The following DLGAP1 variants were observed in gnomAD, a reference collection of about 807,000 sequenced individuals.
The protein encoded by DLGAP1 is disks large-associated protein 1.
DLGAP1 carries 11 observed loss-of-function variants against 90.8 expected under a neutral mutation model. That is an observed-to-expected ratio of 0.12 (90% CI 0.08 to 0.20). The LOEUF is 0.20. DLGAP1 is among the 10% of genes least tolerant of loss of function. The pLI is 1.00. For synonymous variants in DLGAP1, 558 were observed against 540.7 expected, an observed-to-expected ratio of 1.03 and a Z score of -0.44; for missense variants, 1,050 against 1,333.8, an observed-to-expected ratio of 0.79 and a Z score of 3.31.
At chr18:4,048,611 G>T (rs899691821) in intron 2 of DLGAP1, among the ~76,000 whole-genome samples, 1 of 152,202 alleles carries the variant, frequency 6.6e-6, no homozygotes, top group Non-Finnish European at 1.5e-5. Context: ...TAGACTGAGA[G>T]AATCTGAAAA....
intron 1 of DLGAP1, among the ~76,000 whole-genome samples, chr18:4,301,575 G>T (rs1202625690): frequency 6.6e-6 from 1 of 152,128 alleles, no homozygotes; most frequent in African/African-American, 2.4e-5. Flanking sequence ...TCCATAACTT[G>T]GCTGTTGTGA....
chr18:4,168,617 C>T (rs1205475803), intron 1 of DLGAP1, among the ~76,000 whole-genome samples: 1 of 152,158 alleles, frequency 6.6e-6, no homozygotes, highest in African/African-American at 2.4e-5. Context: ...AATTTGTCTA[C>T]TCTAGGGACC....
chr18:3,855,355 A>C (rs2069576213), intron 4 of DLGAP1, among the ~76,000 whole-genome samples: 1 of 152,134 alleles, frequency 6.6e-6, no homozygotes, highest in Admixed American at 6.5e-5. Context: ...TGAGTGACAA[A>C]ATAATCTGTA....
chr18:4,311,918 G>A (rs938597029), intron 1 of DLGAP1, among the ~76,000 whole-genome samples: 2 of 152,180 alleles, frequency 1.3e-5, no homozygotes, highest in Admixed American at 6.5e-5. Context: ...GTTTCACCCT[G>A]TTGGCCAGGC....
chr18:4,391,643 C>A (rs1002398654), intron 1 of DLGAP1, among the ~76,000 whole-genome samples: 3 of 152,230 alleles, frequency 2.0e-5, no homozygotes, highest in African/African-American at 4.8e-5. Context: ...ATTTAAATAA[C>A]CTGGTCCTTC....
chr18:3,708,813 G>A (rs551484146), intron 7 of DLGAP1, among the ~76,000 whole-genome samples: 1 of 152,294 alleles, frequency 6.6e-6, no homozygotes, highest in African/African-American at 2.4e-5. Flanking sequence ...TCCTCATTGT[G>A]ACTCAGATAT....
At chr18:4,031,131 T>C (rs1019830964) in intron 2 of DLGAP1, among the ~76,000 whole-genome samples, 1 of 152,132 alleles carries the variant, frequency 6.6e-6, no homozygotes, top group Non-Finnish European at 1.5e-5. Context: ...ATCATTGGTC[T>C]GAATGACAAA....
intron 2 of DLGAP1, among the ~76,000 whole-genome samples, chr18:4,059,232 G>T (rs2075265619): frequency 1.3e-5 from 2 of 152,144 alleles, no homozygotes; most frequent in African/African-American, 4.8e-5. Flanking sequence ...GCCCTGTTCA[G>T]GATAGGGAAA....
intron 1 of DLGAP1, among the ~76,000 whole-genome samples, chr18:4,283,980 T>C (rs2079619011): frequency 6.6e-6 from 1 of 151,962 alleles, no homozygotes; most frequent in Non-Finnish European, 1.5e-5. Flanking sequence ...GATGATTCTT[T>C]CCCCAAAGGA....
At chr18:3,575,797 G>A (rs1411580267) in intron 8 of DLGAP1, among the ~76,000 whole-genome samples, 2 of 152,032 alleles carry the variant, frequency 1.3e-5, no homozygotes, top group Non-Finnish European at 2.9e-5. Context: ...ATCACCCCCA[G>A]CACTAGGGTA....
chr18:3,646,428 A>G (rs1599706020), intron 7 of DLGAP1, among the ~76,000 whole-genome samples: 1 of 151,952 alleles, frequency 6.6e-6, no homozygotes, highest in Admixed American at 6.6e-5. Flanking sequence ...AACAAATAAA[A>G]CCCTCCATAC....
At chr18:4,252,120 AG>A (rs1474437307) in intron 1 of DLGAP1, among the ~76,000 whole-genome samples, 1 of 152,216 alleles carries the variant, frequency 6.6e-6, no homozygotes, top group Non-Finnish European at 1.5e-5. Flanking sequence ...AATGACCTTC[AG>A]GGAGTTGGCC....
intron 7 of DLGAP1, among the ~76,000 whole-genome samples, chr18:3,628,480 G>A (rs921555318): frequency 1.3e-5 from 2 of 152,180 alleles, no homozygotes; most frequent in East Asian, 3.9e-4. Context: ...GAGCCAGTGT[G>A]CCCAGCCTAT....
rs148426568 is a variant in DLGAP1 at position 4,161,579 on chromosome 18, A to G, written c.-266-10292T>C. ...AAGTTTTCCCTGTTCTTATAAATAA[A>G]TTTTCTATGCCAAAGTATAGAAGAG... On this transcript the variant is annotated intron_variant, in intron 1 of 12. Coordinates refer to ENST00000315677, the MANE Select transcript of DLGAP1 (RefSeq NM_004746.4). 3.4e-3 allele frequency among the ~76,000 whole-genome samples: 521 copies of G among 152,256 alleles called. 3 individuals carry two copies. Among genetic ancestry groups the G allele is most frequent in the African/African-American group, 0.012 (502 of 41,544 alleles).
chr18:3,741,023 C>CCAT (rs1568047671), intron 6 of DLGAP1, among the ~76,000 whole-genome samples: 5 of 121,690 alleles, frequency 4.1e-5, no homozygotes, highest in African/African-American at 1.6e-4. Context: ...ACCATCACCA[C>CCAT]CACCACCACC....
chr18:3,802,936 G>C (rs2066380123), intron 5 of DLGAP1, among the ~76,000 whole-genome samples: 2 of 152,128 alleles, frequency 1.3e-5, no homozygotes, highest in Admixed American at 6.5e-5. Flanking sequence ...CATCTTTGAG[G>C]ATCCTTTTAG....
chr18:4,222,165 G>T (rs1000247306), intron 1 of DLGAP1, among the ~76,000 whole-genome samples: 17 of 151,974 alleles, frequency 1.1e-4, no homozygotes, highest in Non-Finnish European at 2.1e-4. Context: ...TCAAACATAT[G>T]CTTTCAGTCC....
chr18:4,299,567 T>G (rs913393184), intron 1 of DLGAP1, among the ~76,000 whole-genome samples: 8 of 152,292 alleles, frequency 5.3e-5, no homozygotes, highest in African/African-American at 4.8e-5. Flanking sequence ...TAAGTAGAAA[T>G]GTCTTGCTTT....
chr18:3,975,135 A>G (rs4797134), intron 3 of DLGAP1, among the ~76,000 whole-genome samples: 71,584 of 151,870 alleles, frequency 0.47, 17,251 homozygotes, highest in African/African-American at 0.55. Context: ...ACTTAACACT[A>G]TTGAACTGTA....
Sources: allele counts gnomAD v4.1 joint callset (sites outside exome capture counted in the v4.1 genomes callset), GRCh38; gene constraint gnomAD v4.1.1; transcripts MANE v1.5; gene names NCBI Gene and HGNC (gene_info 2026-07-23, HGNC 2026-07-21).